The following HELQ variants were observed in gnomAD, a reference collection of about 807,000 sequenced individuals.
The protein encoded by HELQ is helicase, POLQ like.
In HELQ, 77 loss-of-function variants were observed where a neutral mutation model predicts 111.6. That is an observed-to-expected ratio of 0.69 (90% CI 0.57 to 0.83). HELQ has a LOEUF of 0.83. HELQ is among the 40% of genes least tolerant of loss of function. The probability of loss-of-function intolerance (pLI) is 0.00; values close to 1 mark genes in which losing one functional copy is unlikely to be tolerated. For synonymous variants in HELQ, 438 were observed against 454.7 expected, an observed-to-expected ratio of 0.96 and a Z score of 0.47; for missense variants, 1,200 against 1,288.5, an observed-to-expected ratio of 0.93 and a Z score of 1.05.
chr4:83,427,597 T>C lies in HELQ; in HGVS notation c.2642A>G (p.Gln881Arg), dbSNP rs1421749418. The C allele has an allele frequency of 2.5e-6, 4 of 1,599,168 alleles. No homozygotes were observed. The highest frequency in any genetic ancestry group is 2.6e-6 in the Non-Finnish European group (3 of 1,174,548). ...YLTTPYDLVSQCNPDWMIYFR... is the reference protein window; with the variant it reads ...YLTTPYDLVSRCNPDWMIYFR... ...GTATATCATCCAATCAGGGTTACAC[T>C]GTGAAACCAGATCATAGGGGGTTGT... Residue 881 changes from glutamine to arginine, a missense_variant, in exon 13 of 18, where the codon CAG becomes CGG. This residue lies in a region of HELQ where 585 missense variants were observed against 665.3 expected (regional missense o/e 0.88). Coordinates refer to ENST00000295488, the MANE Select transcript of HELQ (RefSeq NM_133636.5).
At chr4:83,443,439 A>G in intron 6 of HELQ, 78 bp downstream of exon 6, 1 of 659,106 alleles carries the variant, frequency 1.5e-6, no homozygotes, top group Non-Finnish European at 2.6e-6. Context: ...AATTCTTTAA[A>G]TCCTATGTTT....
In HELQ at chr4:83,441,369, G is replaced by T. The variant is rs1316931569; in HGVS notation, c.1598C>A (p.Thr533Lys). The change falls in exon 7 of 18, where the codon ACA (threonine) becomes AAA (lysine). Residue 533 changes from threonine to lysine, a missense_variant. Around this residue, in one of 3 missense-constraint regions of HELQ, gnomAD observed 585 missense variants for 665.3 expected, o/e 0.88. Transcript: ENST00000295488. ...ELKEYLKIND[T>K]IYEVDSKAEN... ...AGCTTTGCTGTCAACTTCATATATT[G>T]TATCATTTATTTTCAGATATTCTTT... 1 of 1,581,692 alleles carries T rather than the reference G, an allele frequency of 6.3e-7. No homozygotes were observed. Among genetic ancestry groups the T allele is most frequent in the South Asian group, 1.1e-5 (1 of 88,108 alleles).
intron 8 of HELQ, among the ~76,000 whole-genome samples, chr4:83,439,435 C>T (rs1039654449): frequency 1.3e-5 from 2 of 150,788 alleles, no homozygotes; most frequent in Admixed American, 1.3e-4. Flanking sequence ...TCTCAGCTAA[C>T]TGCAACCTCC....
At chr4:83,428,174 T>C (rs950917722) in intron 12 of HELQ, among the ~76,000 whole-genome samples, 3 of 152,104 alleles carry the variant, frequency 2.0e-5, no homozygotes, top group African/African-American at 7.2e-5. Flanking sequence ...TGGAAAAAAA[T>C]ATTTAAATGA....
At chr4:83,415,198 C>T (rs1197230116) in intron 17 of HELQ, among the ~76,000 whole-genome samples, 1 of 152,116 alleles carries the variant, frequency 6.6e-6, no homozygotes, top group African/African-American at 2.4e-5. Flanking sequence ...GAGCAGAAGG[C>T]AATGGCAAAC....
At chr4:83,430,034 A>C (rs138241151) in intron 11 of HELQ, among the ~76,000 whole-genome samples, 2 of 152,032 alleles carry the variant, frequency 1.3e-5, no homozygotes, top group Non-Finnish European at 1.5e-5. Context: ...CAATATCTCC[A>C]GAACTGTGCT....
intron 1 of HELQ, among the ~76,000 whole-genome samples, 171 bp from the exon 2 acceptor site, chr4:83,454,116 T>C (rs1467190643): frequency 6.6e-6 from 1 of 152,102 alleles, no homozygotes; most frequent in Admixed American, 6.5e-5. Flanking sequence ...GGCAGGAGAA[T>C]TGCTTGAACC....
At chr4:83,452,749 G>C (rs896102032) in intron 2 of HELQ, among the ~76,000 whole-genome samples, 2 of 152,154 alleles carry the variant, frequency 1.3e-5, no homozygotes. Flanking sequence ...TGAGAAGTCA[G>C]GTAAGGTAAA....
At chr4:83,451,675 A>AAAAC (rs1553933440) in intron 2 of HELQ, among the ~76,000 whole-genome samples, 167 of 151,880 alleles carry the variant, frequency 1.1e-3, no homozygotes, top group African/African-American at 4.0e-3. Flanking sequence ...AAAAAAAACA[A>AAAAC]AAAAACAAAA....
chr4:83,432,488 T>C (rs541768503), intron 9 of HELQ, among the ~76,000 whole-genome samples: 1 of 152,278 alleles, frequency 6.6e-6, no homozygotes, highest in Non-Finnish European at 1.5e-5. Flanking sequence ...ATTTCATTTT[T>C]ATAAAGGAAT....
chr4:83,452,679 A>G (rs1035123893), intron 2 of HELQ, among the ~76,000 whole-genome samples: 8 of 152,218 alleles, frequency 5.3e-5, no homozygotes, highest in Non-Finnish European at 1.0e-4. Flanking sequence ...GAGTGGTTGT[A>G]AGGACATCCA....
intron 8 of HELQ, 49 bp downstream of exon 8, chr4:83,439,811 TCTG>T: frequency 8.6e-7 from 1 of 1,168,064 alleles, no homozygotes; most frequent in African/African-American, 1.6e-5. Flanking sequence ...TAATACATAG[TCTG>T]TAATTCCTAA....
At position 83,412,694 on chromosome 4, in the gene HELQ, C is replaced by T. The variant is rs552043603; in HGVS notation, c.3198+4037G>A. On this transcript the variant is annotated intron_variant, in intron 17 of 17. Transcript: ENST00000295488. ...TTAAAAACATTAGCCAGGCGTGGCA[C>T]CTGTCTCTATTCCTAGCTACTCATG... is the stretch of plus-strand genomic sequence containing the variant. 3.3e-5 allele frequency among the ~76,000 whole-genome samples: 5 copies of T among 152,170 alleles called. No individual in the cohort carries two copies. The East Asian group carries it at 9.7e-4, about 29-fold the overall frequency.
At chr4:83,408,337 C>T (rs368741176) in intron 17 of HELQ, among the ~76,000 whole-genome samples, 113 of 152,178 alleles carry the variant, frequency 7.4e-4, no homozygotes, top group East Asian at 1.9e-3. Flanking sequence ...CTGCAACCTC[C>T]GCCTCCCAGG....
At chr4:83,431,233 T>C (rs1237173434) in intron 11 of HELQ, among the ~76,000 whole-genome samples, 1 of 151,786 alleles carries the variant, frequency 6.6e-6, no homozygotes, top group Non-Finnish European at 1.5e-5. Flanking sequence ...CTAACCAACA[T>C]AGCAAGACCC....
chr4:83,453,496 G>C lies in HELQ; in HGVS notation c.747C>G (p.Ser249=). ...CTGAACTAGTTCTGACTTTGGAAGA[G>C]GACTCATCATTTTGCTGGGGTTGCT... ...CIEQPQQNDE[S]SSKVRTSSDM... Residue 249 remains serine, a synonymous_variant, in exon 2 of 18, where the codon TCC becomes TCG. Coordinates refer to ENST00000295488, the MANE Select transcript of HELQ (RefSeq NM_133636.5). The C allele has an allele frequency of 1.2e-6, 2 of 1,613,586 alleles. No homozygotes were observed. Among genetic ancestry groups the C allele is most frequent in the South Asian group, 1.1e-5 (1 of 90,910 alleles).
chr4:83,426,113 TA>T, intron 13 of HELQ, 21 bp from the exon 14 acceptor site: 1 of 1,296,626 alleles, frequency 7.7e-7, no homozygotes. Context: ...AAAGAGCAAA[TA>T]GATGGAAACA....
intron 8 of HELQ, among the ~76,000 whole-genome samples, chr4:83,437,603 TAAAA>T (rs11337269): frequency 1.0e-5 from 1 of 97,910 alleles, no homozygotes; most frequent in Non-Finnish European, 2.2e-5. Context: ...AAGCCTTGTC[TAAAA>T]AAAAAAAAAA....
intron 7 of HELQ, 67 bp from the exon 8 acceptor site, chr4:83,440,075 G>A: frequency 1.6e-6 from 2 of 1,245,008 alleles, no homozygotes; most frequent in East Asian, 4.9e-5. Context: ...TTTTTTACCA[G>A]TGTGATTTGA....
Sources: allele counts gnomAD v4.1 joint callset (sites outside exome capture counted in the v4.1 genomes callset), GRCh38; gene constraint gnomAD v4.1.1; regional missense constraint gnomAD v4.1.1; transcripts MANE v1.5; gene names NCBI Gene and HGNC (gene_info 2026-07-23, HGNC 2026-07-21).